Variants in CFAP20DC observed in about 807,000 individuals in gnomAD.
The protein encoded by CFAP20DC is CFAP20 domain containing.
In CFAP20DC, 84 loss-of-function variants were observed where a neutral mutation model predicts 101.7. The observed-to-expected ratio is 0.83, with a 90% CI of 0.69 to 0.99. The LOEUF is 0.99. Ranked by LOEUF, CFAP20DC falls within the 50% of genes least tolerant of loss-of-function variation. CFAP20DC has a pLI of 0.00. For missense variants in CFAP20DC, 1,007 were observed against 970.3 expected (o/e 1.04, Z -0.50); for synonymous variants, 359 against 351.2 (o/e 1.02, Z -0.25).
At position 58,746,600 on chromosome 3, in the gene CFAP20DC, A is replaced by G. The variant is rs144803563; in HGVS notation, c.2333-4028T>C. ...AGGTTTTGCTACATAATGCATACAA[A>G]CTGGAGCAATAACTGCGATATAAAT... On this transcript the variant is annotated intron_variant, in intron 16 of 16. Coordinates refer to ENST00000482387, the MANE Select transcript of CFAP20DC (RefSeq NM_001394063.1). Among the ~76,000 whole-genome samples the G allele has an allele frequency of 2.2e-3, 332 of 152,296 alleles. 2 individuals carry two copies. The highest frequency in any genetic ancestry group is 7.4e-3 in the African/African-American group (308 of 41,556).
At chr3:58,917,653 A>C (rs999061179) in intron 5 of CFAP20DC, among the ~76,000 whole-genome samples, 10 of 152,318 alleles carry the variant, frequency 6.6e-5, no homozygotes, top group African/African-American at 2.2e-4. Context: ...CTTTAGTTAT[A>C]ATTTCTCGAT....
chr3:58,785,115 T>C (rs1358363198), intron 15 of CFAP20DC, among the ~76,000 whole-genome samples: 1 of 152,048 alleles, frequency 6.6e-6, no homozygotes, highest in African/African-American at 2.4e-5. Context: ...CTGAATACTA[T>C]TATTGTCTTT....
intron 15 of CFAP20DC, among the ~76,000 whole-genome samples, chr3:58,771,551 A>C (rs1575600532): frequency 6.6e-6 from 1 of 152,182 alleles, no homozygotes; most frequent in African/African-American, 2.4e-5. Context: ...TAGCATATTG[A>C]GTTTGAGCTA....
chr3:59,049,861 C>A lies in CFAP20DC; in HGVS notation c.-230G>T, dbSNP rs1700175373. The A allele has an allele frequency of 3.3e-6, 2 of 597,208 alleles. No homozygotes were observed. The highest frequency in any genetic ancestry group is 3.7e-5 in the African/African-American group (2 of 53,626). The allele number at this position is 597,208 out of a possible 1,614,324, so 37.0% of individuals were successfully genotyped here. ...TTGCGGCTCCAGCCTCCGCGGTGCC[C>A]GGGTCTGGGGAGGGCGCAGCTGCCT... On this transcript the variant is annotated 5_prime_UTR_variant, in exon 1 of 17. Coordinates refer to ENST00000482387, the MANE Select transcript of CFAP20DC (RefSeq NM_001394063.1).
intron 4 of CFAP20DC, among the ~76,000 whole-genome samples, chr3:59,034,679 A>G (rs2094062331): frequency 6.6e-6 from 1 of 152,334 alleles, no homozygotes; most frequent in East Asian, 1.9e-4. Flanking sequence ...ATACAGGAGT[A>G]CTCAGATTCA....
intron 5 of CFAP20DC, among the ~76,000 whole-genome samples, chr3:58,923,581 TG>T (rs999958464): frequency 6.6e-6 from 1 of 152,204 alleles, no homozygotes; most frequent in Non-Finnish European, 1.5e-5. Flanking sequence ...AAGTTTATGA[TG>T]GGAAGTTGGT....
chr3:58,810,162 C>G (rs973881288), intron 14 of CFAP20DC, among the ~76,000 whole-genome samples: 1 of 152,018 alleles, frequency 6.6e-6, no homozygotes, highest in Non-Finnish European at 1.5e-5. Context: ...GAAACTATTC[C>G]AATCAATAGA....
At chr3:58,940,247 G>C (rs897071973) in intron 4 of CFAP20DC, among the ~76,000 whole-genome samples, 1 of 152,198 alleles carries the variant, frequency 6.6e-6, no homozygotes, top group Non-Finnish European at 1.5e-5. Flanking sequence ...AAAAAGACAA[G>C]GTTCCTATCC....
At chr3:58,832,063 C>T (rs1239155577) in intron 13 of CFAP20DC, among the ~76,000 whole-genome samples, 174 bp from the exon 14 acceptor site, 2 of 152,150 alleles carry the variant, frequency 1.3e-5, no homozygotes, top group Non-Finnish European at 2.9e-5. Context: ...TGTCCATTTG[C>T]TCCTCACATG....
chr3:58,741,053 T>A (rs1043361791), downstream of CFAP20DC, among the ~76,000 whole-genome samples: 2 of 152,194 alleles, frequency 1.3e-5, no homozygotes, highest in Non-Finnish European at 2.9e-5. Flanking sequence ...GGAGTCCAAA[T>A]CTACTCCTGT....
At chr3:58,815,637 A>G (rs1266813931) in intron 14 of CFAP20DC, among the ~76,000 whole-genome samples, 1 of 151,596 alleles carries the variant, frequency 6.6e-6, no homozygotes, top group Non-Finnish European at 1.5e-5. Context: ...TCCAGAATCT[A>G]CAATGAACTC....
At chr3:58,797,529 C>T (rs573467338) in intron 15 of CFAP20DC, among the ~76,000 whole-genome samples, 1 of 152,022 alleles carries the variant, frequency 6.6e-6, no homozygotes, top group Non-Finnish European at 1.5e-5. Flanking sequence ...GAAGCCATCT[C>T]GGTAACATAA....
intron 14 of CFAP20DC, among the ~76,000 whole-genome samples, 178 bp from the exon 15 acceptor site, chr3:58,806,634 G>A (rs1360102771): frequency 2.6e-5 from 4 of 152,212 alleles, no homozygotes; most frequent in Non-Finnish European, 5.9e-5. Flanking sequence ...CTCCCAGCGT[G>A]AGCGATGCAG....
At chr3:58,723,787 T>A (rs1024112868) in intron 3 of CFAP20DC, among the ~76,000 whole-genome samples, 7 of 152,222 alleles carry the variant, frequency 4.6e-5, no homozygotes, top group Non-Finnish European at 8.8e-5. Flanking sequence ...ATAATGCAAG[T>A]AATGCCTGGC....
intron 7 of CFAP20DC, among the ~76,000 whole-genome samples, chr3:58,878,325 T>G (rs1008558223): frequency 2.0e-5 from 3 of 152,188 alleles, no homozygotes; most frequent in Admixed American, 2.0e-4. Context: ...TTAGATCTCT[T>G]TCTCCTCTGA....
chr3:58,917,368 A>AT (rs1239108367), intron 5 of CFAP20DC, among the ~76,000 whole-genome samples: 1 of 152,180 alleles, frequency 6.6e-6, no homozygotes, highest in Non-Finnish European at 1.5e-5. Flanking sequence ...CTATGCTCCT[A>AT]TTCTCTGCCA....
intron 5 of CFAP20DC, among the ~76,000 whole-genome samples, chr3:58,915,601 A>C (rs1037809960): frequency 1.8e-4 from 27 of 152,218 alleles, no homozygotes; most frequent in African/African-American, 5.5e-4. Flanking sequence ...GAGTCCTTTC[A>C]GTCTGGGAAG....
chr3:59,032,613 TG>T (rs1161554753), intron 4 of CFAP20DC, among the ~76,000 whole-genome samples: 1 of 152,174 alleles, frequency 6.6e-6, no homozygotes, highest in Non-Finnish European at 1.5e-5. Flanking sequence ...CCACTGCAGC[TG>T]GGCAAAGCTT....
At chr3:58,719,320 G>A (rs2067437976) in intron 3 of CFAP20DC, among the ~76,000 whole-genome samples, 1 of 152,124 alleles carries the variant, frequency 6.6e-6, no homozygotes, top group African/African-American at 2.4e-5. Flanking sequence ...TATACTGAGT[G>A]AGTAGCGTTC....
Sources: gnomAD v4.1 joint callset for allele counts (sites outside exome capture counted in the v4.1 genomes callset) on GRCh38, gnomAD v4.1.1 for gene constraint, MANE v1.5 for transcripts, NCBI Gene and HGNC (gene_info 2026-07-23, HGNC 2026-07-21) for gene names.